The following DHX9 variants were observed in gnomAD, a reference collection of about 807,000 sequenced individuals.
DHX9 encodes ATP-dependent RNA helicase A.
Under a neutral mutation model 148.7 loss-of-function variants are expected in DHX9, and 27 were observed. The observed-to-expected ratio is 0.18, with a 90% CI of 0.13 to 0.25. DHX9 has a LOEUF of 0.25. Among genes scored for constraint, DHX9 ranks in the 10% least tolerant of loss-of-function variants. The pLI, the probability that DHX9 is intolerant of heterozygous loss-of-function variation, is 1.00. For synonymous variants in DHX9, 529 were observed against 516.6 expected, an observed-to-expected ratio of 1.02 and a Z score of -0.33; for missense variants, 796 against 1,559.6, an observed-to-expected ratio of 0.51 and a Z score of 8.25.
chr1:182,853,983 A>G lies in DHX9; in HGVS notation c.478-47A>G, dbSNP rs76999671. ...TTAAAAATTTCTGTGCCTTGTTTGT[A>G]TACCTAAACTTAACACAGCCAAATT... is the stretch of plus-strand genomic sequence containing the variant. On this transcript the variant is annotated intron_variant, in intron 5 of 27. Transcript: ENST00000367549. 1,023 of 1,574,218 alleles carry G rather than the reference A, an allele frequency of 6.5e-4. 4 individuals carry two copies. The African/African-American group carries it at 0.01, about 16-fold the overall frequency.
intron 6 of DHX9, among the ~76,000 whole-genome samples, chr1:182,855,152 C>G (rs1668231226): frequency 1.3e-5 from 2 of 152,154 alleles, no homozygotes; most frequent in Admixed American, 1.3e-4. Context: ...TCAGATATTT[C>G]TGGTGTCAGC....
rs1384418441 is a variant in DHX9, at chr1:182,859,138, C to T, written c.1140+21C>T. On this transcript the variant is annotated intron_variant, in intron 11 of 27. Transcript: ENST00000367549. ...AAGCAGTAAGTCTGAATTATTTAGA[C>T]AAGTAGTGCTCAGAGCTTCAGAATG... 6.2e-6 allele frequency: 10 copies of T among 1,601,508 alleles called. No homozygotes were observed. In the South Asian group the frequency reaches 9.9e-5, roughly 16 times the overall value.
intron 15 of DHX9, among the ~76,000 whole-genome samples, chr1:182,873,081 G>A (rs1162020962): frequency 6.6e-6 from 1 of 152,022 alleles, no homozygotes; most frequent in African/African-American, 2.4e-5. Context: ...TCAGCTTCCT[G>A]AGTACCTGGG....
intron 3 of DHX9, among the ~76,000 whole-genome samples, chr1:182,845,015 T>C (rs1461864790): frequency 6.6e-6 from 1 of 152,242 alleles, no homozygotes; most frequent in East Asian, 1.9e-4. Flanking sequence ...TATTCTGCCT[T>C]GTTTATGACA....
intron 27 of DHX9, among the ~76,000 whole-genome samples, 195 bp from the exon 28 acceptor site, chr1:182,886,888 A>C (rs1047308126): frequency 6.6e-6 from 1 of 152,242 alleles, no homozygotes; most frequent in Non-Finnish European, 1.5e-5. Flanking sequence ...ATTGAACCAG[A>C]ACTTCAGAAA....
intron 3 of DHX9, among the ~76,000 whole-genome samples, chr1:182,851,057 G>T (rs2102594204): frequency 6.6e-6 from 1 of 152,272 alleles, no homozygotes; most frequent in Non-Finnish European, 1.5e-5. Context: ...GTGGTGCCAG[G>T]ACTGCCCAGT....
In DHX9 at chr1:182,858,813, G is replaced by A. The variant is rs1571305987; in HGVS notation, c.981G>A (p.Val327=). Residue 327 remains valine, a synonymous_variant, in exon 10 of 28, where the codon GTG becomes GTA. Coordinates refer to ENST00000367549, the MANE Select transcript of DHX9 (RefSeq NM_001357.5). ...AACCATCTCAGCGACAAAACCAAGT[G>A]GGTGTGGTTCCTTGGTCACCTCCAC... ...QFEPSQRQNQ[V]GVVPWSPPQS... The A allele has an allele frequency of 6.2e-7, 1 of 1,614,112 alleles. No homozygotes were observed. Among genetic ancestry groups the A allele is most frequent in the Non-Finnish European group, 8.5e-7 (1 of 1,180,014 alleles).
At position 182,879,383 on chromosome 1, in the gene DHX9, G is replaced by T. The variant is rs2102618128; in HGVS notation, c.2485G>T (p.Val829Leu). ...AATTGAACCTCCCCCTTTGGATGCTGTGATTGAAGCAGAACACACTCTTAG... is the reference window on the plus strand; with the variant it reads ...AATTGAACCTCCCCCTTTGGATGCTTTGATTGAAGCAGAACACACTCTTAG... ...KAIEPPPLDA[V>L]IEAEHTLREL... Residue 829 changes from valine to leucine, a missense_variant, in exon 21 of 28, where the codon GTG becomes TTG. Val to Leu is a conservative substitution (Grantham distance 32, BLOSUM62 1). Coordinates refer to ENST00000367549, the MANE Select transcript of DHX9 (RefSeq NM_001357.5). 6.5e-7 allele frequency: 1 copy of T among 1,528,892 alleles called. No individual in the cohort carries two copies. The highest frequency in any genetic ancestry group is 1.3e-5 in the South Asian group (1 of 79,948). 94.7% of individuals were successfully genotyped at this position (1,528,892 alleles called of 1,614,324 possible). A position where few individuals can be genotyped will look rare whatever the true frequency, so the allele number is the denominator to read the frequency against.
intron 12 of DHX9, among the ~76,000 whole-genome samples, chr1:182,864,208 T>A (rs1195994806): frequency 6.6e-6 from 1 of 152,144 alleles, no homozygotes; most frequent in Admixed American, 6.5e-5. Flanking sequence ...AGCCTCAGAC[T>A]CCTGAGTAGC....
At chr1:182,848,229 T>C (rs908848816) in intron 3 of DHX9, among the ~76,000 whole-genome samples, 2 of 152,258 alleles carry the variant, frequency 1.3e-5, no homozygotes, top group Admixed American at 1.3e-4. Flanking sequence ...ACACTTACTT[T>C]TTAACTCAGT....
At chr1:182,848,317 G>A (rs559188208) in intron 3 of DHX9, among the ~76,000 whole-genome samples, 38 of 152,190 alleles carry the variant, frequency 2.5e-4, no homozygotes, top group Admixed American at 1.2e-3. Flanking sequence ...GTTGTAACTC[G>A]AGGAGGCCAC....
At chr1:182,840,299 CTTTTT>C (rs572795237) in intron 1 of DHX9, among the ~76,000 whole-genome samples, 12 of 105,524 alleles carry the variant, frequency 1.1e-4, no homozygotes, top group African/African-American at 4.4e-4. Context: ...ATTCTTGCGC[CTTTTT>C]TTTTTTTTTT....
intron 1 of DHX9, among the ~76,000 whole-genome samples, chr1:182,840,245 G>A (rs1667896216): frequency 6.6e-6 from 1 of 151,536 alleles, no homozygotes; most frequent in Admixed American, 6.6e-5. Context: ...GAAATGCGTA[G>A]TGGTGGAAGG....
intron 3 of DHX9, among the ~76,000 whole-genome samples, chr1:182,851,065 A>G (rs1010392098): frequency 6.6e-6 from 1 of 152,164 alleles, no homozygotes; most frequent in African/African-American, 2.4e-5. Flanking sequence ...AGGACTGCCC[A>G]GTGAATTTTT....
At chr1:182,861,175 G>T (rs1668356989) in intron 12 of DHX9, among the ~76,000 whole-genome samples, 1 of 151,884 alleles carries the variant, frequency 6.6e-6, no homozygotes, top group Non-Finnish European at 1.5e-5. Context: ...TATTTTATGT[G>T]AGAATTGGGT....
chr1:182,855,977 TAA>T (rs1051853510), intron 6 of DHX9, among the ~76,000 whole-genome samples: 4 of 152,224 alleles, frequency 2.6e-5, no homozygotes, highest in African/African-American at 7.2e-5. Context: ...AAAAATAGGC[TAA>T]GTTTTTTGTC....
At position 182,859,095 on chromosome 1, in the gene DHX9, A is replaced by G; in HGVS notation, c.1118A>G (p.Glu373Gly). ...DLKNELMYQL[E>G]QDHDLQAILQ... ...AAGAATGAATTGATGTACCAGTTGG[A>G]ACAGGATCATGATTTGCAAGCAGTA... Residue 373 changes from glutamate to glycine, a missense_variant, in exon 11 of 28, where the codon GAA becomes GGA. Glu to Gly is a moderately conservative substitution (Grantham distance 98, BLOSUM62 -2). This residue lies in a region of DHX9 where 42 missense variants were observed against 27.1 expected (regional missense o/e 1.55). Transcript: ENST00000367549. 1 of 1,614,126 alleles carries G rather than the reference A, an allele frequency of 6.2e-7. No homozygotes were observed. The highest frequency in any genetic ancestry group is 8.5e-7 in the Non-Finnish European group (1 of 1,179,994).
At chr1:182,870,927 A>G (rs992464351) in intron 14 of DHX9, among the ~76,000 whole-genome samples, 2 of 152,200 alleles carry the variant, frequency 1.3e-5, no homozygotes, top group African/African-American at 4.8e-5. Flanking sequence ...GGTGTGTTCA[A>G]AATTTGGTGT....
rs1668289908 is a variant in DHX9, at chr1:182,858,169, G to A, written c.739G>A (p.Val247Ile). 3 of 1,614,054 alleles carry A rather than the reference G, an allele frequency of 1.9e-6. No homozygotes were observed. The highest frequency in any genetic ancestry group is 1.3e-5 in the African/African-American group (1 of 74,936). Reference protein sequence around the residue: ...LAAQSCALSLVRQLYHLGVVE... With the variant: ...LAAQSCALSLIRQLYHLGVVE... ...AGCACAGTCCTGTGCCCTGTCACTT[G>A]TCAGACAACTGTACCATCTTGGAGT... The change falls in exon 8 of 28, where the codon GTC becomes ATC. Residue 247 changes from valine to isoleucine, a missense_variant. Coordinates refer to ENST00000367549, the MANE Select transcript of DHX9 (RefSeq NM_001357.5).
Sources: gnomAD v4.1 joint callset for allele counts (sites outside exome capture counted in the v4.1 genomes callset) on GRCh38, gnomAD v4.1.1 for gene constraint, gnomAD v4.1.1 regional missense constraint, MANE v1.5 for transcripts, NCBI Gene and HGNC (gene_info 2026-07-23, HGNC 2026-07-21) for gene names.